KIF13A: variants seen among roughly 807,000 people sequenced by gnomAD.
KIF13A encodes kinesin-like protein KIF13A.
Under a neutral mutation model 212.2 loss-of-function variants are expected in KIF13A, and 79 were observed. That is an observed-to-expected ratio of 0.37 (90% confidence interval 0.31 to 0.45). The LOEUF (loss-of-function observed/expected upper bound fraction) is 0.45. KIF13A is among the 20% of genes least tolerant of loss of function. The pLI is 1.00. For synonymous variants in KIF13A, 789 were observed against 808.6 expected (o/e 0.98, Z 0.41); for missense variants, 1,901 against 2,209.0 (o/e 0.86, Z 2.79).
At chr6:17,766,718 C>T (rs536173067) in intron 38 of KIF13A, among the ~76,000 whole-genome samples, 3 of 152,054 alleles carry the variant, frequency 2.0e-5, no homozygotes, top group Non-Finnish European at 2.9e-5. Flanking sequence ...CTGTACCTGG[C>T]CCATAACATA....
intron 17 of KIF13A, among the ~76,000 whole-genome samples, chr6:17,813,599 A>T (rs566806232): frequency 1.3e-5 from 2 of 152,274 alleles, no homozygotes; most frequent in East Asian, 3.9e-4. Flanking sequence ...CTCTTCATTT[A>T]ACATTAACAA....
intron 3 of KIF13A, among the ~76,000 whole-genome samples, chr6:17,890,811 A>ATAATAATAG (rs1288717408): frequency 1.3e-5 from 2 of 148,826 alleles, no homozygotes; most frequent in African/African-American, 4.9e-5. Context: ...AATAATAATA[A>ATAATAATAG]TAATAATGTT....
At chr6:17,980,292 C>T (rs181331007) in intron 2 of KIF13A, among the ~76,000 whole-genome samples, 154 of 152,350 alleles carry the variant, frequency 1.0e-3, no homozygotes, top group Non-Finnish European at 1.6e-3. Flanking sequence ...AATTAAGATA[C>T]TTTTCATAGT....
intron 11 of KIF13A, among the ~76,000 whole-genome samples, chr6:17,835,182 C>T (rs1384332813): frequency 8.4e-6 from 1 of 119,470 alleles, no homozygotes; most frequent in African/African-American, 3.0e-5. Context: ...AGACTCTGTC[C>T]ACCCGCCCCC....
intron 2 of KIF13A, among the ~76,000 whole-genome samples, chr6:17,940,839 T>A (rs1356460283): frequency 1.3e-5 from 2 of 151,572 alleles, no homozygotes; most frequent in Non-Finnish European, 2.9e-5. Context: ...TTTTTTTTTT[T>A]TTTTGAGACA....
At chr6:17,820,478 C>G (rs1764336940) in intron 16 of KIF13A, among the ~76,000 whole-genome samples, 1 of 152,200 alleles carries the variant, frequency 6.6e-6, no homozygotes, top group African/African-American at 2.4e-5. Flanking sequence ...TTACCCCACA[C>G]ACAGCATATT....
Position 17,897,158 on chromosome 6 carries a change from A to G in KIF13A, c.159+1010T>C, listed in dbSNP as rs1344866403. On this transcript the variant is annotated intron_variant, in intron 3 of 38. Transcript: ENST00000259711. The surrounding 1 kb of genome is among the most constrained non-coding windows in gnomAD (Gnocchi z 4.8). ...GCCAAGGACAATGTCTTCAATAAGTACAAGGTATACAGCAGCATTTTAATG... is the reference window on the plus strand; with the variant it reads ...GCCAAGGACAATGTCTTCAATAAGTGCAAGGTATACAGCAGCATTTTAATG... 2.0e-5 allele frequency among the ~76,000 whole-genome samples: 3 copies of G among 152,216 alleles called. No individual in the cohort carries two copies. The highest frequency in any genetic ancestry group is 7.2e-5 in the African/African-American group (3 of 41,448).
rs751824702 is a variant in KIF13A at position 17,771,205 on chromosome 6, G to A, written c.4490C>T (p.Pro1497Leu). The change falls in exon 38 of 39, where the codon CCT (proline) becomes CTT (leucine). Residue 1497 changes from proline (P) to leucine (L), a missense_variant. Transcript: ENST00000259711. The surrounding 1 kb of genome is among the most constrained non-coding windows in gnomAD (Gnocchi z 5.4). ...AATGCAGCCAGGGTTATGTGCCTGA[G>A]GTGGAGGCATGCTCTGCAAAGGTTA... ...PLLSQESMPP[P>L]QAHNPGCIVP... 66 of 1,611,686 alleles carry A rather than the reference G, an allele frequency of 4.1e-5. No homozygotes were observed. Among genetic ancestry groups the A allele is most frequent in the Non-Finnish European group, 5.3e-5 (62 of 1,178,644 alleles).
intron 9 of KIF13A, among the ~76,000 whole-genome samples, chr6:17,844,453 A>G (rs1359981203): frequency 6.6e-6 from 1 of 152,216 alleles, no homozygotes; most frequent in Non-Finnish European, 1.5e-5. Flanking sequence ...GTCATCAAGT[A>G]AGTTTAGGGA....
chr6:17,831,249 C>G lies in KIF13A; in HGVS notation c.1267-14G>C. The G allele has an allele frequency of 2.5e-6, 4 of 1,601,688 alleles. No homozygotes were observed. The highest frequency in any genetic ancestry group is 3.4e-6 in the Non-Finnish European group (4 of 1,176,526). ...TCGTTGTCTTTCCTGTGCACAAAAA[C>G]AGACAAAAGAAGGAAACTCTGTTTG... On this transcript the variant is annotated splice_polypyrimidine_tract_variant and intron_variant, in intron 12 of 38. Transcript: ENST00000259711.
chr6:17,869,019 A>AAAAAAACC (rs1554187445), intron 4 of KIF13A, among the ~76,000 whole-genome samples: 1 of 126,514 alleles, frequency 7.9e-6, no homozygotes, highest in East Asian at 2.3e-4. Flanking sequence ...AAAAAAAAAA[A>AAAAAAACC]ACACAAATAA....
At chr6:17,940,335 T>G (rs1044751939) in intron 2 of KIF13A, among the ~76,000 whole-genome samples, 1 of 152,216 alleles carries the variant, frequency 6.6e-6, no homozygotes, top group Non-Finnish European at 1.5e-5. Context: ...GTCCTGAGCT[T>G]CTGCATTTCT....
intron 4 of KIF13A, among the ~76,000 whole-genome samples, chr6:17,864,453 C>T (rs1466788543): frequency 1.3e-5 from 2 of 152,150 alleles, no homozygotes; most frequent in African/African-American, 2.4e-5. Flanking sequence ...AAGTCACAGA[C>T]CTGAGTCACC....
chr6:17,867,735 C>A (rs186828948), intron 4 of KIF13A, among the ~76,000 whole-genome samples: 1 of 152,280 alleles, frequency 6.6e-6, no homozygotes, highest in South Asian at 2.1e-4. Context: ...TATGCTAGAA[C>A]AAATTAATAT....
In KIF13A at chr6:17,836,886, G is replaced by C. The variant is rs1215435208; in HGVS notation, c.1147C>G (p.Gln383Glu). 3.7e-6 allele frequency: 6 copies of C among 1,613,728 alleles called. No homozygotes were observed. The highest frequency in any genetic ancestry group is 5.1e-6 in the Non-Finnish European group (6 of 1,179,740). The change falls in exon 11 of 39, where the codon CAG (glutamine) becomes GAG (glutamate). Residue 383 changes from glutamine to glutamate, a missense_variant. By Grantham distance (29) the Gln-to-Glu change is conservative. Around this residue, in one of 5 missense-constraint regions of KIF13A, gnomAD observed 506 missense variants for 637.4 expected, o/e 0.79. Transcript: ENST00000259711. ...EVEKLREQLSQAEAMKAPELK... is the reference protein window; with the variant it reads ...EVEKLREQLSEAEAMKAPELK... ...TACCAGGCTGCTTTTACCTCTGCCT[G>C]AGAGAGCTGCTCTCTCAGTTTCTCG...
At chr6:17,884,510 C>T (rs1771364517) in intron 3 of KIF13A, among the ~76,000 whole-genome samples, 1 of 151,790 alleles carries the variant, frequency 6.6e-6, no homozygotes, top group South Asian at 2.1e-4. Context: ...GATGGGTACT[C>T]AGTATTTGCT....
At chr6:17,920,425 T>C (rs1774955674) in intron 2 of KIF13A, among the ~76,000 whole-genome samples, 1 of 152,218 alleles carries the variant, frequency 6.6e-6, no homozygotes, top group Admixed American at 6.5e-5. Flanking sequence ...CTTTCTCTGC[T>C]TGAGACATTA....
chr6:17,841,135 C>A (rs1304638097), intron 9 of KIF13A, among the ~76,000 whole-genome samples: 1 of 149,250 alleles, frequency 6.7e-6, no homozygotes, highest in Non-Finnish European at 1.5e-5. Context: ...GGCACTGGCA[C>A]AATCATGGCT....
intron 22 of KIF13A, among the ~76,000 whole-genome samples, chr6:17,798,242 A>G (rs992412724): frequency 6.6e-6 from 1 of 152,200 alleles, no homozygotes; most frequent in Admixed American, 6.5e-5. Context: ...AGAGATCCAA[A>G]AAACTCCAAG....
Sources: gnomAD v4.1 joint callset for allele counts (sites outside exome capture counted in the v4.1 genomes callset) on GRCh38, gnomAD v4.1.1 for gene constraint, gnomAD v4.1.1 regional missense constraint, Gnocchi (gnomAD v3.1) non-coding constraint, MANE v1.5 for transcripts, NCBI Gene and HGNC (gene_info 2026-07-23, HGNC 2026-07-21) for gene names.